Variants in ADAMTS12 observed in about 807,000 individuals in gnomAD.
ADAMTS12 encodes the protein A disintegrin and metalloproteinase with thrombospondin motifs 12.
A neutral mutation model predicts 167.8 loss-of-function variants in ADAMTS12; 118 were observed. The ratio of observed to expected loss-of-function variants is 0.70; its 90% CI spans 0.61 to 0.82. ADAMTS12 has a LOEUF of 0.82. Among genes scored for constraint, ADAMTS12 ranks in the 40% least tolerant of loss-of-function variants. ADAMTS12 has a pLI of 0.00. For synonymous variants in ADAMTS12, 704 were observed against 716.9 expected, an observed-to-expected ratio of 0.98 and a Z score of 0.29; for missense variants, 1,916 against 1,998.8, an observed-to-expected ratio of 0.96 and a Z score of 0.79.
chr5:33,553,408 T>C (rs990697181), intron 20 of ADAMTS12, among the ~76,000 whole-genome samples: 1 of 152,210 alleles, frequency 6.6e-6, no homozygotes, highest in African/African-American at 2.4e-5. Context: ...TAAAGACACA[T>C]GTACGCATAT....
chr5:33,637,523 T>G (rs759158307), intron 12 of ADAMTS12, 54 bp downstream of exon 12: 34 of 1,543,286 alleles, frequency 2.2e-5, no homozygotes, highest in Non-Finnish European at 3.0e-5. Context: ...GACATACAAA[T>G]GCTTTGAGAA....
intron 2 of ADAMTS12, among the ~76,000 whole-genome samples, chr5:33,764,072 A>G (rs1410924958): frequency 6.6e-6 from 1 of 152,210 alleles, no homozygotes; most frequent in Non-Finnish European, 1.5e-5. Flanking sequence ...ATAAAACCAG[A>G]TAATCCTAGC....
intron 2 of ADAMTS12, among the ~76,000 whole-genome samples, chr5:33,862,359 G>C (rs1305202930): frequency 6.6e-6 from 1 of 152,004 alleles, no homozygotes; most frequent in East Asian, 1.9e-4. Context: ...TGATAAAAGG[G>C]ATATCACCAC....
At chr5:33,731,014 C>T (rs1011919350) in intron 3 of ADAMTS12, among the ~76,000 whole-genome samples, 2 of 151,972 alleles carry the variant, frequency 1.3e-5, no homozygotes, top group Non-Finnish European at 1.5e-5. Context: ...TTTTCCCATC[C>T]GTAAATAGGG....
In ADAMTS12 at chr5:33,577,013, G is replaced by C. The variant is rs1471911279; in HGVS notation, c.3013C>G (p.Pro1005Ala). 1.1e-5 allele frequency: 18 copies of C among 1,614,052 alleles called. No homozygotes were observed. Residue 1005 changes from proline to alanine, a missense_variant, in exon 19 of 24, where the codon CCA (proline) becomes GCA (alanine). Pro to Ala is a conservative substitution (Grantham distance 27, BLOSUM62 -1). Coordinates refer to ENST00000504830, the MANE Select transcript of ADAMTS12 (RefSeq NM_030955.4). ...CCATTGGAAATAGTGCCTTTGTTTGGTTTCAGAACTCTCCGGCTAGAAGGG... is the reference window on the plus strand; with the variant it reads ...CCATTGGAAATAGTGCCTTTGTTTGCTTTCAGAACTCTCCGGCTAGAAGGG... Reference protein sequence around the residue: ...QCPSSRRVLKPNKGTISNGKN... With the variant: ...QCPSSRRVLKANKGTISNGKN...
At chr5:33,877,094 G>C (rs554205058) in intron 2 of ADAMTS12, among the ~76,000 whole-genome samples, 1 of 152,268 alleles carries the variant, frequency 6.6e-6, no homozygotes, top group East Asian at 1.9e-4. Flanking sequence ...AGAGATCCAT[G>C]ACCAGCTATT....
At chr5:33,551,842 T>G (rs747392108) in intron 20 of ADAMTS12, among the ~76,000 whole-genome samples, 3 of 152,236 alleles carry the variant, frequency 2.0e-5, no homozygotes, top group Admixed American at 6.5e-5. Context: ...GACAGCATAT[T>G]AAGTCACTCC....
chr5:33,550,333 G>C (rs1579652559), intron 20 of ADAMTS12, among the ~76,000 whole-genome samples: 1 of 152,114 alleles, frequency 6.6e-6, no homozygotes, highest in African/African-American at 2.4e-5. Flanking sequence ...CTTGCTCTCT[G>C]GTCTGTTTAG....
intron 9 of ADAMTS12, among the ~76,000 whole-genome samples, chr5:33,646,031 G>A (rs1267392508): frequency 6.6e-6 from 1 of 152,124 alleles, no homozygotes; most frequent in Admixed American, 6.5e-5. Context: ...CAGAAGGGAT[G>A]GTTCCAAGGA....
intron 20 of ADAMTS12, among the ~76,000 whole-genome samples, chr5:33,552,283 T>C (rs1248208796): frequency 6.6e-6 from 1 of 152,170 alleles, no homozygotes; most frequent in Non-Finnish European, 1.5e-5. Context: ...AACACAGGAT[T>C]GGGGGACTAA....
chr5:33,544,032 A>AATAC (rs1744838847), intron 22 of ADAMTS12, among the ~76,000 whole-genome samples: 1 of 152,212 alleles, frequency 6.6e-6, no homozygotes, highest in Non-Finnish European at 1.5e-5. Context: ...CAAGAGAAAG[A>AATAC]ACTAAAGTGT....
At chr5:33,878,181 G>A (rs1326374909) in intron 2 of ADAMTS12, among the ~76,000 whole-genome samples, 3 of 152,172 alleles carry the variant, frequency 2.0e-5, no homozygotes, top group African/African-American at 7.2e-5. Context: ...ACCACTCTAG[G>A]TGGACACTGG....
intron 3 of ADAMTS12, among the ~76,000 whole-genome samples, chr5:33,737,146 G>T (rs1487133750): frequency 1.3e-5 from 2 of 152,190 alleles, no homozygotes; most frequent in Non-Finnish European, 2.9e-5. Context: ...AATGGCCCTT[G>T]TTCTTGTTAC....
chr5:33,760,766 T>C (rs958694290), intron 2 of ADAMTS12, among the ~76,000 whole-genome samples: 5 of 152,174 alleles, frequency 3.3e-5, no homozygotes, highest in Admixed American at 2.0e-4. Context: ...TTTGAAGCCC[T>C]GAGCAAAAAG....
intron 2 of ADAMTS12, among the ~76,000 whole-genome samples, chr5:33,781,972 C>T (rs996653801): frequency 6.6e-6 from 1 of 151,872 alleles, no homozygotes; most frequent in Non-Finnish European, 1.5e-5. Context: ...ATAGTGTAAA[C>T]TCTTATTTAT....
chr5:33,576,252 T>C lies in ADAMTS12; in HGVS notation c.3774A>G (p.Glu1258=), dbSNP rs201193243. The change falls in exon 19 of 24, where the codon GAA becomes GAG. Residue 1258 remains glutamate, a synonymous_variant. Coordinates refer to ENST00000504830, the MANE Select transcript of ADAMTS12 (RefSeq NM_030955.4). ...TACGGTTTGCCGTCTTTCCTGAGGG[T>C]TCTGGCTGGTGGTCTCCTCCCAGAG... ...LLPLGGDHQP[E]PSGKTANRNH... 2 of 1,614,194 alleles carry C rather than the reference T, an allele frequency of 1.2e-6. No individual in the cohort carries two copies. Among genetic ancestry groups the C allele is most frequent in the African/African-American group, 1.3e-5 (1 of 75,054 alleles).
At chr5:33,629,472 A>C (rs1009093077) in intron 13 of ADAMTS12, among the ~76,000 whole-genome samples, 7 of 152,186 alleles carry the variant, frequency 4.6e-5, no homozygotes, top group African/African-American at 7.2e-5. Flanking sequence ...TTACCTGTGA[A>C]AGTTGTCAGA....
chr5:33,868,222 G>A (rs540544996), intron 2 of ADAMTS12, among the ~76,000 whole-genome samples: 2 of 152,274 alleles, frequency 1.3e-5, no homozygotes, highest in South Asian at 4.1e-4. Flanking sequence ...ACTTAGAAGT[G>A]GGTCATTGCT....
intron 2 of ADAMTS12, among the ~76,000 whole-genome samples, chr5:33,819,851 G>A (rs947575880): frequency 2.6e-5 from 4 of 152,154 alleles, no homozygotes; most frequent in Admixed American, 2.0e-4. Flanking sequence ...AGGAGACCAA[G>A]GAAAGAAGCA....
Sources: gnomAD v4.1 joint callset for allele counts (sites outside exome capture counted in the v4.1 genomes callset) on GRCh38, gnomAD v4.1.1 for gene constraint, MANE v1.5 for transcripts, NCBI Gene and HGNC (gene_info 2026-07-23, HGNC 2026-07-21) for gene names.